The following CNTN4 variants were observed in gnomAD, a reference collection of about 807,000 sequenced individuals.
The protein encoded by CNTN4 is contactin-4.
In CNTN4, 77 loss-of-function variants were observed where a neutral mutation model predicts 122.5. That is an observed-to-expected ratio of 0.63 (90% CI 0.52 to 0.76). The LOEUF (loss-of-function observed/expected upper bound fraction) is 0.76. CNTN4 is among the 30% of genes least tolerant of loss of function. CNTN4 has a pLI of 0.00. For missense variants in CNTN4, 1,256 were observed against 1,259.1 expected, an observed-to-expected ratio of 1.00 and a Z score of 0.04; for synonymous variants, 512 against 447.0, an observed-to-expected ratio of 1.15 and a Z score of -1.83.
chr3:2,622,226 A>G (rs2082017931), intron 4 of CNTN4, among the ~76,000 whole-genome samples: 1 of 152,102 alleles, frequency 6.6e-6, no homozygotes, highest in South Asian at 2.1e-4. Flanking sequence ...TTTTGGTGGG[A>G]AGAATAACTT....
intron 4 of CNTN4, among the ~76,000 whole-genome samples, chr3:2,638,222 A>T (rs577206362): frequency 7.9e-5 from 12 of 152,306 alleles, no homozygotes; most frequent in African/African-American, 2.4e-4. Context: ...GACCCTGTGC[A>T]GATTCTTTAA....
intron 12 of CNTN4, among the ~76,000 whole-genome samples, chr3:2,913,811 A>C (rs77904718): frequency 0.066 from 10,064 of 152,298 alleles, 415 homozygotes; most frequent in Middle Eastern, 0.14. Context: ...AGTTGGACCT[A>C]ACAAGCATAT....
rs548012197 is a variant in CNTN4, at chr3:2,397,895, CA to C, written c.-89+58663del. Among the ~76,000 whole-genome samples, 308 of 152,196 alleles carry C rather than the reference CA, an allele frequency of 2.0e-3. 1 individual carries two copies. The highest frequency in any genetic ancestry group is 2.9e-3 in the Non-Finnish European group (199 of 67,978). The stretch of plus-strand genomic sequence containing the variant: ...AGTGCTCTTTGACTTAAATAGATTA[CA>C]TTTTTTAACAAATTATTTTATGGGG... On this transcript the variant is annotated intron_variant, in intron 3 of 24. Coordinates refer to ENST00000418658, the MANE Select transcript of CNTN4 (RefSeq NM_175607.3).
chr3:2,309,948 A>G (rs1356613870), intron 2 of CNTN4, among the ~76,000 whole-genome samples: 1 of 152,210 alleles, frequency 6.6e-6, no homozygotes, highest in Admixed American at 6.5e-5. Context: ...TGGGAAATAG[A>G]AATAGTAAAA....
intron 2 of CNTN4, among the ~76,000 whole-genome samples, chr3:2,195,185 A>G (rs1186915079): frequency 2.0e-5 from 3 of 152,300 alleles, no homozygotes; most frequent in South Asian, 2.1e-4. Context: ...TTGTTATTCT[A>G]TGCCGGGATC....
At chr3:2,372,395 T>C (rs1474643826) in intron 3 of CNTN4, among the ~76,000 whole-genome samples, 1 of 152,242 alleles carries the variant, frequency 6.6e-6, no homozygotes, top group Admixed American at 6.5e-5. Flanking sequence ...AATATGTTTC[T>C]AATTTGTGTA....
intron 13 of CNTN4, among the ~76,000 whole-genome samples, chr3:2,969,841 C>T (rs1692716310): frequency 6.6e-6 from 1 of 151,958 alleles, no homozygotes; most frequent in Admixed American, 6.6e-5. Context: ...TCTGAGAGGC[C>T]ACATGGGAGC....
chr3:2,571,342 G>C (rs763662170), intron 3 of CNTN4, 74 bp from the exon 4 acceptor site: 2 of 661,646 alleles, frequency 3.0e-6, no homozygotes, highest in East Asian at 5.4e-5. Context: ...TGATATTTGA[G>C]TAAAGATAAA....
intron 4 of CNTN4, among the ~76,000 whole-genome samples, chr3:2,585,589 A>G (rs1276774754): frequency 6.6e-6 from 1 of 151,596 alleles, no homozygotes; most frequent in African/African-American, 2.4e-5. Flanking sequence ...TATCGCATGG[A>G]CAAAAAACCA....
intron 2 of CNTN4, among the ~76,000 whole-genome samples, chr3:2,295,519 G>A (rs1454209683): frequency 6.6e-6 from 1 of 151,590 alleles, no homozygotes; most frequent in Non-Finnish European, 1.5e-5. Context: ...ACTTTTTGAT[G>A]GGGTTGTTTG....
At chr3:2,610,488 C>T (rs2081433694) in intron 4 of CNTN4, among the ~76,000 whole-genome samples, 1 of 152,156 alleles carries the variant, frequency 6.6e-6, no homozygotes, top group South Asian at 2.1e-4. Flanking sequence ...TGGTAGCACC[C>T]TCGCCATTTC....
At chr3:2,489,681 G>A (rs533338498) in intron 3 of CNTN4, among the ~76,000 whole-genome samples, 45 of 152,278 alleles carry the variant, frequency 3.0e-4, no homozygotes, top group Admixed American at 9.2e-4. Flanking sequence ...TGCCTTTTCT[G>A]CATGTTAAGT....
chr3:2,830,158 A>C (rs1206288168), intron 7 of CNTN4, among the ~76,000 whole-genome samples: 1 of 152,178 alleles, frequency 6.6e-6, no homozygotes, highest in African/African-American at 2.4e-5. Flanking sequence ...CAAGAACTTA[A>C]TGATGCCCCT....
At chr3:2,609,521 C>A (rs2081393398) in intron 4 of CNTN4, among the ~76,000 whole-genome samples, 1 of 152,148 alleles carries the variant, frequency 6.6e-6, no homozygotes, top group Admixed American at 6.5e-5. Flanking sequence ...AATATGGAAT[C>A]CCAAACAATG....
chr3:3,047,743 C>G (rs554655939), intron 23 of CNTN4, among the ~76,000 whole-genome samples: 2 of 150,540 alleles, frequency 1.3e-5, no homozygotes, highest in African/African-American at 2.4e-5. Flanking sequence ...CAAACACATT[C>G]AAAAGCTAGC....
chr3:2,478,782 A>T (rs894077201), intron 3 of CNTN4, among the ~76,000 whole-genome samples: 28 of 152,156 alleles, frequency 1.8e-4, no homozygotes, highest in African/African-American at 6.0e-4. Context: ...TTTATGGCTG[A>T]ATAGTATTCC....
chr3:2,604,882 A>G (rs2081193553), intron 4 of CNTN4, among the ~76,000 whole-genome samples: 1 of 152,130 alleles, frequency 6.6e-6, no homozygotes, highest in Non-Finnish European at 1.5e-5. Context: ...CCAATAAAGG[A>G]AATATAAGAT....
intron 4 of CNTN4, among the ~76,000 whole-genome samples, chr3:2,593,115 A>G (rs1249470976): frequency 2.0e-5 from 3 of 152,188 alleles, no homozygotes; most frequent in East Asian, 1.9e-4. Context: ...ATTTTAATAC[A>G]CACAGATAAA....
At chr3:2,352,957 C>A (rs2044698715) in intron 3 of CNTN4, among the ~76,000 whole-genome samples, 1 of 151,948 alleles carries the variant, frequency 6.6e-6, no homozygotes, top group Admixed American at 6.6e-5. Flanking sequence ...TCTAGCTAAT[C>A]TAGTGGAGAC....
Sources: allele counts gnomAD v4.1 joint callset (sites outside exome capture counted in the v4.1 genomes callset), GRCh38; gene constraint gnomAD v4.1.1; transcripts MANE v1.5; gene names NCBI Gene and HGNC (gene_info 2026-07-23, HGNC 2026-07-21).